Variants in C9orf85 observed in about 807,000 individuals in gnomAD.
The protein encoded by C9orf85 is uncharacterized protein C9orf85.
In C9orf85, 16 loss-of-function variants were observed where a neutral mutation model predicts 14.9. That is an observed-to-expected ratio of 1.08 (90% confidence interval 0.73 to 1.63). The LOEUF is 1.63. C9orf85 is among the 40% of genes most tolerant of loss of function. The pLI, the probability that C9orf85 is intolerant of heterozygous loss-of-function variation, is 0.00. For missense variants in C9orf85, 172 were observed against 186.1 expected, an observed-to-expected ratio of 0.92 and a Z score of 0.44; for synonymous variants, 45 against 56.8, an observed-to-expected ratio of 0.79 and a Z score of 0.93.
chr9:71,961,471 G>A (rs1822521834), intron 2 of C9orf85, among the ~76,000 whole-genome samples: 1 of 152,020 alleles, frequency 6.6e-6, no homozygotes, highest in Non-Finnish European at 1.5e-5. Flanking sequence ...TAAGGCAGGA[G>A]AATCGCTTGA....
intron 2 of C9orf85, among the ~76,000 whole-genome samples, chr9:71,957,580 G>A (rs1750521293): frequency 6.6e-6 from 1 of 152,158 alleles, no homozygotes; most frequent in South Asian, 2.1e-4. Flanking sequence ...GTACCTATGT[G>A]TAGTTTATTT....
At chr9:71,971,851 G>A (rs1822878244) in intron 3 of C9orf85, among the ~76,000 whole-genome samples, 1 of 151,936 alleles carries the variant, frequency 6.6e-6, no homozygotes, top group Non-Finnish European at 1.5e-5. Flanking sequence ...GCAGGCGCCT[G>A]TAATCCCAAT....
chr9:71,982,958 A>G (rs541388839), exon 4 of C9orf85: 34 of 170,222 alleles, frequency 2.0e-4, no homozygotes, highest in Admixed American at 1.2e-3. Flanking sequence ...CTAATGACTC[A>G]TGATGTTGAC....
chr9:71,941,462 C>CA (rs751272397), intron 1 of C9orf85, among the ~76,000 whole-genome samples: 15 of 152,046 alleles, frequency 9.9e-5, no homozygotes, highest in Non-Finnish European at 2.1e-4. Flanking sequence ...TATTCTGATC[C>CA]AAAAAATATT....
intron 2 of C9orf85, among the ~76,000 whole-genome samples, chr9:71,954,581 A>G (rs905827963): frequency 1.3e-5 from 2 of 152,150 alleles, no homozygotes; most frequent in Non-Finnish European, 2.9e-5. Context: ...TAGACCATGT[A>G]GGTTAGTTTC....
chr9:71,985,757 T>C (rs1418801064), downstream of C9orf85: 1 of 152,210 alleles, frequency 6.6e-6, no homozygotes, highest in African/African-American at 2.4e-5. Context: ...TAAAGGTCAG[T>C]GTTTCCCAGC....
At chr9:71,946,928 C>T (rs1339755900) in intron 1 of C9orf85, 78 bp from the exon 2 acceptor site, 13 of 899,206 alleles carry the variant, frequency 1.4e-5, no homozygotes, top group Non-Finnish European at 2.3e-5. Context: ...AAACTTACAT[C>T]TCATACACTC....
chr9:71,925,444 C>A (rs557405897), intron 1 of C9orf85, among the ~76,000 whole-genome samples: 94 of 152,106 alleles, frequency 6.2e-4, no homozygotes, highest in African/African-American at 2.3e-3. Context: ...TCTTTTTCCC[C>A]AAATCTCAGT....
At chr9:71,964,779 G>A (rs1021531318) in intron 2 of C9orf85, among the ~76,000 whole-genome samples, 3 of 152,152 alleles carry the variant, frequency 2.0e-5, no homozygotes, top group African/African-American at 7.2e-5. Flanking sequence ...TTGGCCTCAC[G>A]GATTCCAAGG....
chr9:71,967,309 A>G (rs748845103), intron 2 of C9orf85, among the ~76,000 whole-genome samples: 2 of 152,134 alleles, frequency 1.3e-5, no homozygotes, highest in Admixed American at 1.3e-4. Flanking sequence ...CCTTTCTACT[A>G]TCTTGAAAAT....
At chr9:71,935,183 C>T (rs576817945) in intron 1 of C9orf85, among the ~76,000 whole-genome samples, 4 of 152,220 alleles carry the variant, frequency 2.6e-5, no homozygotes, top group East Asian at 3.9e-4. Flanking sequence ...ATGGCACAGC[C>T]GCTCTGGATA....
downstream of C9orf85, among the ~76,000 whole-genome samples, chr9:71,976,994 A>G (rs1031242703): frequency 9.9e-5 from 15 of 152,104 alleles, no homozygotes; most frequent in Non-Finnish European, 1.8e-4. Context: ...CTACCTGAAT[A>G]TGATTGTGAG....
intron 1 of C9orf85, among the ~76,000 whole-genome samples, chr9:71,914,074 A>C (rs1036580358): frequency 3.3e-5 from 5 of 152,230 alleles, no homozygotes; most frequent in African/African-American, 1.2e-4. Context: ...ATCATAACAG[A>C]TTCTTGCATC....
intron 2 of C9orf85, among the ~76,000 whole-genome samples, chr9:71,958,296 C>T (rs1247355732): frequency 7.0e-6 from 1 of 142,154 alleles, no homozygotes. Flanking sequence ...GAGTTTCGCT[C>T]TTGTTGCCCA....
intron 1 of C9orf85, among the ~76,000 whole-genome samples, chr9:71,922,063 C>T (rs1827823651): frequency 6.6e-6 from 1 of 151,972 alleles, no homozygotes; most frequent in Admixed American, 6.6e-5. Context: ...ACCTCAGCCT[C>T]CCGAGTAGCT....
chr9:71,956,242 GTTTTT>G (rs60432625), intron 2 of C9orf85, among the ~76,000 whole-genome samples: 2 of 51,012 alleles, frequency 3.9e-5, no homozygotes, highest in South Asian at 9.5e-4. Context: ...GAATGCAAAA[GTTTTT>G]TTTTTTTTTT....
chr9:71,982,866 C>A, exon 4 of C9orf85: 1 of 267,380 alleles, frequency 3.7e-6, no homozygotes, highest in Non-Finnish European at 7.3e-6. Context: ...GAACTCCTGA[C>A]CTCATGATCT....
chr9:71,915,454 G>A (rs1564080609), intron 1 of C9orf85, among the ~76,000 whole-genome samples: 1 of 151,930 alleles, frequency 6.6e-6, no homozygotes, highest in Non-Finnish European at 1.5e-5. Context: ...TGGGATTACA[G>A]GTGTGAGCCA....
At chr9:71,969,551 C>T (rs1454896527) in intron 2 of C9orf85, among the ~76,000 whole-genome samples, 2 of 152,068 alleles carry the variant, frequency 1.3e-5, no homozygotes, top group Non-Finnish European at 2.9e-5. Flanking sequence ...AAAGAGCCTG[C>T]GTTTGGCTGC....
Sources: gnomAD v4.1 joint callset for allele counts (sites outside exome capture counted in the v4.1 genomes callset) on GRCh38, gnomAD v4.1.1 for gene constraint, MANE v1.5 for transcripts, NCBI Gene and HGNC (gene_info 2026-07-23, HGNC 2026-07-21) for gene names.